Variants in NRCAM observed in about 807,000 individuals in gnomAD.
NRCAM encodes the protein NgCAM-related cell adhesion molecule.
In NRCAM, 83 loss-of-function variants were observed where a neutral mutation model predicts 156.5. That is an observed-to-expected ratio of 0.53 (90% CI 0.44 to 0.64). The LOEUF (loss-of-function observed/expected upper bound fraction) is 0.64. Among genes scored for constraint, NRCAM ranks in the 30% least tolerant of loss-of-function variants. The pLI is 0.00. For synonymous variants in NRCAM, 538 were observed against 563.9 expected, an observed-to-expected ratio of 0.95 and a Z score of 0.65; for missense variants, 1,417 against 1,597.3, an observed-to-expected ratio of 0.89 and a Z score of 1.92.
chr7:108,393,754 G>T (rs189196961), intron 2 of NRCAM, among the ~76,000 whole-genome samples: 2 of 152,272 alleles, frequency 1.3e-5, no homozygotes, highest in East Asian at 3.9e-4. Context: ...TATAGTAAGT[G>T]CCTGGGCTAG....
chr7:108,339,320 C>T (rs2099247325), intron 2 of NRCAM, among the ~76,000 whole-genome samples: 2 of 152,156 alleles, frequency 1.3e-5, no homozygotes, highest in South Asian at 4.1e-4. Flanking sequence ...GAAAAACTGC[C>T]TAATAATTGG....
In NRCAM at chr7:108,148,813, T is replaced by C. The variant is rs761860826; in HGVS notation, c.*1097A>G. On this transcript the variant is annotated 3_prime_UTR_variant, in exon 33 of 33. Coordinates refer to ENST00000379028, the MANE Select transcript of NRCAM (RefSeq NM_001037132.4). ...TTGACATCTTTCTTACTGAATGTAATAGAAACCATAAAGGACCACAAAATC... is the reference window on the plus strand; with the variant it reads ...TTGACATCTTTCTTACTGAATGTAACAGAAACCATAAAGGACCACAAAATC... The C allele has an allele frequency of 1.3e-5, 2 of 152,310 alleles. No homozygotes were observed. The highest frequency in any genetic ancestry group is 2.1e-4 in the South Asian group (1 of 4,832). 9.4% of individuals were successfully genotyped at this position (152,310 alleles called of 1,614,324 possible).
chr7:108,180,458 CAGAAAGG>C lies in NRCAM; in HGVS notation c.2647-38_2647-32del, dbSNP rs766099185. On this transcript the variant is annotated intron_variant, in intron 24 of 32. Coordinates refer to ENST00000379028, the MANE Select transcript of NRCAM (RefSeq NM_001037132.4). ...ACAGCAAGAACGAAAGTCAGGAATG[CAGAAAGG>C]AGCAAACAAGATTCCTTATGCTCAC... is the stretch of plus-strand genomic sequence containing the variant. 4 of 1,554,584 alleles carry C rather than the reference CAGAAAGG, an allele frequency of 2.6e-6. No individual in the cohort carries two copies. The South Asian group carries it at 4.5e-5, about 17-fold the overall frequency.
intron 2 of NRCAM, among the ~76,000 whole-genome samples, chr7:108,336,631 T>C (rs1311949076): frequency 1.9e-4 from 29 of 152,216 alleles, no homozygotes. Flanking sequence ...AAAGATTTTA[T>C]CTGAGGAAAC....
intron 3 of NRCAM, among the ~76,000 whole-genome samples, chr7:108,312,442 A>G (rs1044549017): frequency 2.0e-5 from 3 of 152,136 alleles, no homozygotes; most frequent in Non-Finnish European, 4.4e-5. Flanking sequence ...TTACTATGAA[A>G]GGACATGAGG....
chr7:108,281,516 G>A (rs892606641), intron 3 of NRCAM, among the ~76,000 whole-genome samples: 1 of 152,210 alleles, frequency 6.6e-6, no homozygotes, highest in African/African-American at 2.4e-5. Flanking sequence ...AATCAAAAAG[G>A]TTTCATGGCA....
intron 2 of NRCAM, among the ~76,000 whole-genome samples, chr7:108,398,921 A>G (rs981833827): frequency 6.6e-6 from 1 of 152,194 alleles, no homozygotes; most frequent in Non-Finnish European, 1.5e-5. Context: ...ATGGGGAAAA[A>G]TATATTGGTG....
intron 1 of NRCAM, among the ~76,000 whole-genome samples, chr7:108,438,519 TTC>T (rs1425061427): frequency 4.6e-5 from 7 of 152,244 alleles, no homozygotes; most frequent in Admixed American, 3.9e-4. Context: ...AATAAATGAC[TTC>T]TATTAAAAAA....
chr7:108,215,100 G>A (rs1161093275), intron 11 of NRCAM, among the ~76,000 whole-genome samples: 2 of 152,098 alleles, frequency 1.3e-5, no homozygotes, highest in East Asian at 3.9e-4. Context: ...TTCTGTAGAT[G>A]TCTATCAGGT....
At chr7:108,228,855 A>G (rs1017234718) in intron 8 of NRCAM, among the ~76,000 whole-genome samples, 2 of 152,218 alleles carry the variant, frequency 1.3e-5, no homozygotes, top group African/African-American at 4.8e-5. Flanking sequence ...TCTGTAAAAG[A>G]CTAGATTTAC....
At chr7:108,186,108 G>A (rs979045401) in intron 20 of NRCAM, among the ~76,000 whole-genome samples, 7 of 152,196 alleles carry the variant, frequency 4.6e-5, no homozygotes, top group African/African-American at 1.7e-4. Flanking sequence ...TGCCTACTAT[G>A]TGCCAGGTAC....
intron 13 of NRCAM, among the ~76,000 whole-genome samples, chr7:108,202,813 T>C (rs927019174): frequency 6.6e-6 from 1 of 152,180 alleles, no homozygotes; most frequent in African/African-American, 2.4e-5. Flanking sequence ...ATTCTCTTAG[T>C]TCTTTTCCCT....
At chr7:108,193,114 C>T (rs1234879970) in intron 17 of NRCAM, among the ~76,000 whole-genome samples, 1 of 152,180 alleles carries the variant, frequency 6.6e-6, no homozygotes, top group East Asian at 1.9e-4. Context: ...TCTCAACCTT[C>T]TGGGCCCAGG....
At position 108,191,717 on chromosome 7, in the gene NRCAM, T is replaced by G; in HGVS notation, c.1903+12A>C. The G allele has an allele frequency of 6.3e-7, 1 of 1,579,936 alleles. No individual in the cohort carries two copies. Among genetic ancestry groups the G allele is most frequent in the Non-Finnish European group, 8.6e-7 (1 of 1,160,756 alleles). On this transcript the variant is annotated intron_variant, in intron 18 of 32. Transcript: ENST00000379028. ...GGGAAGCCAGTTGTGCTATTTTTGT[T>G]TTCGTTCTTACCAACAACGCTAAGC...
At chr7:108,405,493 T>C (rs2099804704) in intron 1 of NRCAM, among the ~76,000 whole-genome samples, 1 of 152,194 alleles carries the variant, frequency 6.6e-6, no homozygotes, top group African/African-American at 2.4e-5. Context: ...AACAATTTCA[T>C]ACGTGGACAT....
At chr7:108,455,759 C>T (rs900271359) in intron 1 of NRCAM, among the ~76,000 whole-genome samples, 14 of 152,192 alleles carry the variant, frequency 9.2e-5, no homozygotes, top group South Asian at 2.1e-4. Context: ...CCGTGCGCTC[C>T]CGGCCCGGCC....
chr7:108,167,770 G>C (rs1181734481), intron 29 of NRCAM, among the ~76,000 whole-genome samples: 1 of 152,186 alleles, frequency 6.6e-6, no homozygotes, highest in Non-Finnish European at 1.5e-5. Flanking sequence ...TCTACGAAGA[G>C]TGCCTGACTT....
In NRCAM at chr7:108,310,947, G is replaced by A. The variant is rs574932339; in HGVS notation, c.-107+1718C>T. Among the ~76,000 whole-genome samples the A allele has an allele frequency of 2.8e-4, 42 of 152,130 alleles. No individual in the cohort carries two copies. The East Asian group carries it at 4.8e-3, about 18-fold the overall frequency. On this transcript the variant is annotated intron_variant, in intron 3 of 32. Transcript: ENST00000379028. ...CTCTAGAAGACAGAGATTTTCAATC[G>A]AGTACCCTTCACACGATGGAAGAAA...
At chr7:108,426,236 T>C (rs1022065746) in intron 1 of NRCAM, among the ~76,000 whole-genome samples, 1 of 152,230 alleles carries the variant, frequency 6.6e-6, no homozygotes, top group Admixed American at 6.5e-5. Flanking sequence ...CTCTTTCACA[T>C]ATTATAGTCT....
Sources: allele counts gnomAD v4.1 joint callset (sites outside exome capture counted in the v4.1 genomes callset), GRCh38; gene constraint gnomAD v4.1.1; transcripts MANE v1.5; gene names NCBI Gene and HGNC (gene_info 2026-07-23, HGNC 2026-07-21).